FIG4: variants seen among roughly 807,000 people sequenced by gnomAD.
FIG4 encodes FIG4 phosphoinositide 5-phosphatase.
FIG4 carries 112 observed loss-of-function variants against 118.6 expected under a neutral mutation model. That is an observed-to-expected ratio of 0.94 (90% CI 0.81 to 1.11). FIG4 has a LOEUF of 1.11. Among genes scored for constraint, FIG4 ranks in the 50% least tolerant of loss-of-function variants. The pLI is 0.00. For synonymous variants in FIG4, 369 were observed against 381.2 expected (o/e 0.97, Z 0.37); for missense variants, 969 against 1,111.7 (o/e 0.87, Z 1.83).
intron 16 of FIG4, 24 bp from the exon 17 acceptor site, chr6:109,784,944 CTT>C (rs200859275): frequency 7.8e-7 from 1 of 1,289,388 alleles, no homozygotes; most frequent in East Asian, 2.3e-5. Context: ...TTTGGTTCAT[CTT>C]TTTTTTTAAT....
rs75611072 is a variant in FIG4 at position 109,820,038 on chromosome 6, G to A, written c.2547-5050G>A. 6.3e-4 allele frequency among the ~76,000 whole-genome samples: 96 copies of A among 152,306 alleles called. 1 individual carries two copies. In the East Asian group the frequency reaches 0.016, roughly 26 times the overall value. On this transcript the variant is annotated intron_variant, in intron 22 of 22. Transcript: ENST00000230124. ...GGGGCACAGACATAGGTGTGCACAA[G>A]GCTATGGGAACAGAGGAGAGGGGCA...
chr6:109,736,658 A>G (rs1444929601), intron 6 of FIG4, among the ~76,000 whole-genome samples: 1 of 152,172 alleles, frequency 6.6e-6, no homozygotes, highest in African/African-American at 2.4e-5. Flanking sequence ...TAAGCCTCCA[A>G]TGCTACTAAA....
At chr6:109,750,978 T>C (rs1776677240) in intron 10 of FIG4, among the ~76,000 whole-genome samples, 1 of 152,228 alleles carries the variant, frequency 6.6e-6, no homozygotes, top group Non-Finnish European at 1.5e-5. Flanking sequence ...CTAAACTGAT[T>C]TAACACTGTT....
At chr6:109,813,264 A>C (rs955346805) in intron 22 of FIG4, among the ~76,000 whole-genome samples, 5 of 152,088 alleles carry the variant, frequency 3.3e-5, no homozygotes, top group Non-Finnish European at 7.4e-5. Flanking sequence ...CTCTCTCTCT[A>C]CCACTTTTGT....
intron 6 of FIG4, among the ~76,000 whole-genome samples, chr6:109,735,856 A>G (rs1776144704): frequency 6.6e-6 from 1 of 152,026 alleles, no homozygotes; most frequent in Admixed American, 6.6e-5. Flanking sequence ...GAATCAATGC[A>G]GCAAGTCAGA....
intron 22 of FIG4, among the ~76,000 whole-genome samples, chr6:109,807,321 A>G (rs1376093836): frequency 1.3e-5 from 2 of 152,184 alleles, no homozygotes; most frequent in Non-Finnish European, 1.5e-5. Context: ...ATGAGATGGT[A>G]TCTTATTGTG....
chr6:109,754,268 C>G (rs369644201), intron 10 of FIG4, among the ~76,000 whole-genome samples: 2 of 152,070 alleles, frequency 1.3e-5, no homozygotes, highest in African/African-American at 4.8e-5. Flanking sequence ...ATTGAACCAG[C>G]CTTGCATCCC....
chr6:109,778,402 A>G (rs557059286), intron 16 of FIG4, among the ~76,000 whole-genome samples: 55 of 151,390 alleles, frequency 3.6e-4, no homozygotes, highest in African/African-American at 1.2e-3. Flanking sequence ...CCCAGGAGGC[A>G]GAGGTTGTCA....
At chr6:109,755,847 G>T (rs1384638912) in intron 10 of FIG4, among the ~76,000 whole-genome samples, 1 of 152,108 alleles carries the variant, frequency 6.6e-6, no homozygotes. Flanking sequence ...CATGAGATGG[G>T]TCTCCTGAAT....
intron 4 of FIG4, among the ~76,000 whole-genome samples, chr6:109,731,577 A>G (rs1776002668): frequency 1.3e-5 from 2 of 152,224 alleles, no homozygotes; most frequent in East Asian, 1.9e-4. Flanking sequence ...CTGAACATGT[A>G]CAGATGTTTT....
rs150911277 is a variant in FIG4 at position 109,791,133 on chromosome 6, C to T, written c.2181-243C>T. 3.5e-3 allele frequency among the ~76,000 whole-genome samples: 535 copies of T among 152,238 alleles called. 6 individuals carry two copies. The highest frequency in any genetic ancestry group is 0.019 in the Admixed American group (295 of 15,292). On this transcript the variant is annotated intron_variant, in intron 19 of 22. Coordinates refer to ENST00000230124, the MANE Select transcript of FIG4 (RefSeq NM_014845.6). Reference sequence around the variant, plus strand: ...ACCAAGTGGTGAGAAGATTTTTTCACGCTCTGCAAGTAATTTTCATTTATT... The same window carrying T: ...ACCAAGTGGTGAGAAGATTTTTTCATGCTCTGCAAGTAATTTTCATTTATT...
At chr6:109,747,826 C>T (rs909463742) in intron 10 of FIG4, among the ~76,000 whole-genome samples, 8 of 152,076 alleles carry the variant, frequency 5.3e-5, no homozygotes, top group African/African-American at 1.9e-4. Flanking sequence ...TGCTCTATCA[C>T]TTAGGCTGGA....
At chr6:109,724,516 A>G (rs749361590) in intron 3 of FIG4, among the ~76,000 whole-genome samples, 9 of 152,294 alleles carry the variant, frequency 5.9e-5, no homozygotes, top group Non-Finnish European at 1.2e-4. Flanking sequence ...TCTACAGCAC[A>G]TATCTTTTTA....
At chr6:109,756,381 A>T (rs1175622065) in intron 10 of FIG4, among the ~76,000 whole-genome samples, 4 of 151,778 alleles carry the variant, frequency 2.6e-5, no homozygotes, top group African/African-American at 4.8e-5. Context: ...TTTTTCCTTC[A>T]TTTCAACTTT....
chr6:109,743,149 T>C lies in FIG4; in HGVS notation c.916T>C (p.Cys306Arg). ...ANEVETEQIL[C>R]DASVMSFTAG... Reference sequence around the variant, plus strand: ...TGAAGTGGAGACTGAACAAATACTCTGCGATGCTTCTGTGATGTCTTTCAC... The same window carrying C: ...TGAAGTGGAGACTGAACAAATACTCCGCGATGCTTCTGTGATGTCTTTCAC... Residue 306 changes from cysteine (C) to arginine (R), a missense_variant, in exon 9 of 23, where the codon TGC becomes CGC. This residue lies in a region of FIG4 where 393 missense variants were observed against 409.4 expected (regional missense o/e 0.96). Transcript: ENST00000230124. 1 of 1,613,134 alleles carries C rather than the reference T, an allele frequency of 6.2e-7. No individual in the cohort carries two copies. Among genetic ancestry groups the C allele is most frequent in the Non-Finnish European group, 8.5e-7 (1 of 1,179,340 alleles).
chr6:109,789,508 A>G, intron 18 of FIG4, 86 bp from the exon 19 acceptor site: 1 of 965,706 alleles, frequency 1.0e-6, no homozygotes, highest in Admixed American at 1.7e-5. Context: ...AAGAAGGAAT[A>G]TTGTAAGAGT....
At chr6:109,728,696 G>A (rs1446711219) in intron 4 of FIG4, among the ~76,000 whole-genome samples, 2 of 152,146 alleles carry the variant, frequency 1.3e-5, no homozygotes, top group African/African-American at 4.8e-5. Flanking sequence ...CAGTTTATCA[G>A]AGTAGACCTT....
intron 10 of FIG4, among the ~76,000 whole-genome samples, chr6:109,757,558 A>G (rs1300613901): frequency 6.6e-6 from 1 of 152,208 alleles, no homozygotes; most frequent in Non-Finnish European, 1.5e-5. Context: ...AACACAAGAC[A>G]AGGATGCCCT....
intron 10 of FIG4, among the ~76,000 whole-genome samples, chr6:109,755,201 A>G (rs1157363502): frequency 6.6e-6 from 1 of 152,186 alleles, no homozygotes; most frequent in Non-Finnish European, 1.5e-5. Context: ...TGTACCCAGT[A>G]GTCATTCAGG....
Sources: gnomAD v4.1 joint callset for allele counts (sites outside exome capture counted in the v4.1 genomes callset) on GRCh38, gnomAD v4.1.1 for gene constraint, gnomAD v4.1.1 regional missense constraint, MANE v1.5 for transcripts, NCBI Gene and HGNC (gene_info 2026-07-23, HGNC 2026-07-21) for gene names.